PLCH2: variants seen among roughly 807,000 people sequenced by gnomAD.
PLCH2 encodes the protein phospholipase C eta 2, also known as 1-phosphatidylinositol 4,5-bisphosphate phosphodiesterase eta-2.
In PLCH2, 98 loss-of-function variants were observed where a neutral mutation model predicts 134.7. The ratio of observed to expected loss-of-function variants is 0.73; its 90% CI spans 0.62 to 0.86. PLCH2 has a LOEUF of 0.86. Among genes scored for constraint, PLCH2 ranks in the 40% least tolerant of loss-of-function variants. PLCH2 has a pLI of 0.00. For missense variants in PLCH2, 1,994 were observed against 1,986.6 expected (o/e 1.00, Z -0.07); for synonymous variants, 974 against 827.5 (o/e 1.18, Z -3.04).
At chr1:2,460,803 G>A (rs1640771967) in intron 2 of PLCH2, among the ~76,000 whole-genome samples, 2 of 152,146 alleles carry the variant, frequency 1.3e-5, no homozygotes, top group East Asian at 1.9e-4. Flanking sequence ...AGGTTTCACC[G>A]TGACTGACCG....
intron 2 of PLCH2, among the ~76,000 whole-genome samples, chr1:2,458,743 C>A (rs1640622704): frequency 1.3e-5 from 2 of 152,206 alleles, no homozygotes; most frequent in Non-Finnish European, 2.9e-5. Context: ...CCAGTATGGG[C>A]AGCCCCCCAA....
chr1:2,505,269 T>A lies in PLCH2; in HGVS notation c.*56T>A. On this transcript the variant is annotated 3_prime_UTR_variant, in exon 22 of 22. Coordinates refer to ENST00000378486, the MANE Select transcript of PLCH2 (RefSeq NM_014638.4). ...GAGGCCCAGGGCAGGGGTGGGCGTG[T>A]TGTTTGCTCAGGAAACAGGGCAGCC... 1 of 1,391,594 alleles carries A rather than the reference T, an allele frequency of 7.2e-7. No homozygotes were observed. The highest frequency in any genetic ancestry group is 9.7e-7 in the Non-Finnish European group (1 of 1,028,688). The allele number at this position is 1,391,594 out of a possible 1,614,324, so 86.2% of individuals were successfully genotyped here.
rs990632562 is a variant in PLCH2 at position 2,448,498 on chromosome 1, C to T, written c.115+17869C>T. The stretch of plus-strand genomic sequence containing the variant: ...TGGGGCCTGCCTGGGTCATTCGGGA[C>T]GATCTCCTCGGCGCAGGCCTTTCAC... On this transcript the variant is annotated intron_variant, in intron 2 of 3. Transcript: ENST00000609981. This position sits in a 1 kb window ranked among gnomAD's most constrained non-coding sequence, Gnocchi z 4.0. Among the ~76,000 whole-genome samples, 18 of 152,298 alleles carry T rather than the reference C, an allele frequency of 1.2e-4. No homozygotes were observed. Among genetic ancestry groups the T allele is most frequent in the Admixed American group, 4.6e-4 (7 of 15,298 alleles).
At chr1:2,483,006 G>T (rs1642057951) in intron 4 of PLCH2, among the ~76,000 whole-genome samples, 1 of 152,234 alleles carries the variant, frequency 6.6e-6, no homozygotes, top group Admixed American at 6.5e-5. Flanking sequence ...TGGGTGGGCT[G>T]CTGAGAGCAC....
chr1:2,478,966 T>C (rs970142365), intron 2 of PLCH2: 8 of 316,118 alleles, frequency 2.5e-5, no homozygotes, highest in Non-Finnish European at 4.8e-5. Context: ...CACAGAGGTA[T>C]GCTGATGGAT....
At chr1:2,484,213 T>A (rs1440861659) in intron 4 of PLCH2, among the ~76,000 whole-genome samples, 1 of 152,086 alleles carries the variant, frequency 6.6e-6, no homozygotes, top group Non-Finnish European at 1.5e-5. Context: ...GGGTTGAAGG[T>A]GAAAAGCATA....
chr1:2,487,484 T>A, intron 7 of PLCH2, 108 bp downstream of exon 7: 1 of 1,473,866 alleles, frequency 6.8e-7, no homozygotes, highest in Non-Finnish European at 9.2e-7. Flanking sequence ...TGGGAAGGCC[T>A]CTTCTGTGTC....
intron 21 of PLCH2, chr1:2,502,865 C>G: frequency 1.4e-6 from 1 of 717,176 alleles, no homozygotes; most frequent in East Asian, 2.7e-5. Context: ...CTTGTTTGCT[C>G]AAAAGCTGGA....
At chr1:2,496,780 G>A (rs1433329190) in intron 14 of PLCH2, 48 bp from the exon 15 acceptor site, 1 of 1,610,824 alleles carries the variant, frequency 6.2e-7, no homozygotes, top group Admixed American at 1.7e-5. Context: ...CTGGGCGCCG[G>A]GCGAGGTCGA....
intron 8 of PLCH2, 98 bp downstream of exon 8, chr1:2,487,816 GGAGCAGT>G: frequency 8.3e-7 from 1 of 1,210,520 alleles, no homozygotes; most frequent in African/African-American, 1.5e-5. Flanking sequence ...CCTTTCTTTG[GGAGCAGT>G]GACTGTGGTG....
intron 2 of PLCH2, among the ~76,000 whole-genome samples, chr1:2,437,120 C>T (rs896740702): frequency 6.6e-6 from 1 of 152,218 alleles, no homozygotes; most frequent in East Asian, 1.9e-4. Flanking sequence ...CTCAGTGTTG[C>T]CCTGGGGCCC....
Position 2,505,045 on chromosome 1 carries a change from G to T in PLCH2, c.4083G>T (p.Gln1361His). The change falls in exon 22 of 22, where the codon CAG (glutamine) becomes CAT (histidine). Residue 1361 changes from glutamine to histidine, a missense_variant. Coordinates refer to ENST00000378486, the MANE Select transcript of PLCH2 (RefSeq NM_014638.4). ...CCCGCCAGGCCCAGGAGCGGCAGCA[G>T]AGACTGCAGGGCCTGGGCCGGCAGG... ...SRARQAQERQ[Q>H]RLQGLGRQGP... 3 of 1,543,006 alleles carry T rather than the reference G, an allele frequency of 1.9e-6. No homozygotes were observed. Among genetic ancestry groups the T allele is most frequent in the Non-Finnish European group, 2.6e-6 (3 of 1,151,502 alleles).
chr1:2,447,631 G>A lies in PLCH2; in HGVS notation c.115+17002G>A, dbSNP rs568439462. Among the ~76,000 whole-genome samples the A allele has an allele frequency of 4.6e-5, 7 of 152,308 alleles. No homozygotes were observed. In the East Asian group the frequency reaches 1.3e-3, roughly 29 times the overall value. ...GAGACTGGAAGGCAGGAAAGGCTTG[G>A]GGGTGGGGGCAAGTTGCTGAAATGT... On this transcript the variant is annotated intron_variant, in intron 2 of 3. Coordinates refer to the PLCH2 transcript ENST00000609981.
chr1:2,463,744 G>A (rs755168580), upstream of PLCH2, among the ~76,000 whole-genome samples: 10 of 152,172 alleles, frequency 6.6e-5, no homozygotes, highest in Non-Finnish European at 1.3e-4. Flanking sequence ...AATGTCCCCC[G>A]CCAGACCGCA....
chr1:2,419,441 G>A, the PLCH2 span, among the ~76,000 whole-genome samples: 5 of 152,152 alleles, frequency 3.3e-5, no homozygotes, highest in African/African-American at 7.2e-5. Context: ...GCGCCTGTGC[G>A]GAGCTGGTCC....
intron 7 of PLCH2, 106 bp downstream of exon 7, chr1:2,487,482 C>T: frequency 1.4e-6 from 2 of 1,468,042 alleles, no homozygotes; most frequent in Non-Finnish European, 1.9e-6. Context: ...GCTGGGAAGG[C>T]CTCTTCTGTG....
intron 2 of PLCH2, among the ~76,000 whole-genome samples, chr1:2,433,306 C>T (rs1639158782): frequency 6.6e-6 from 1 of 152,222 alleles, no homozygotes; most frequent in African/African-American, 2.4e-5. Context: ...GCATGTGCAC[C>T]TGGGGCTGCT....
chr1:2,486,835 A>G (rs1642311111), intron 5 of PLCH2, 72 bp from the exon 6 acceptor site: 1 of 1,156,688 alleles, frequency 8.6e-7, no homozygotes, highest in East Asian at 2.6e-5. Context: ...GACAGTGGTG[A>G]TGGGGGAGCT....
At chr1:2,483,011 G>C (rs1468039923) in intron 4 of PLCH2, among the ~76,000 whole-genome samples, 1 of 152,218 alleles carries the variant, frequency 6.6e-6, no homozygotes, top group Non-Finnish European at 1.5e-5. Flanking sequence ...GGGCTGCTGA[G>C]AGCACGCCGT....
Sources: allele counts gnomAD v4.1 joint callset (sites outside exome capture counted in the v4.1 genomes callset), GRCh38; gene constraint gnomAD v4.1.1; non-coding constraint Gnocchi (gnomAD v3.1); transcripts MANE v1.5; gene names NCBI Gene and HGNC (gene_info 2026-07-23, HGNC 2026-07-21).